Variants in BICRAL observed in about 807,000 individuals in gnomAD.
BICRAL encodes BICRA like chromatin remodeling complex associated protein, also known as BRD4-interacting chromatin-remodeling complex-associated protein-like.
BICRAL carries 8 observed loss-of-function variants against 91.8 expected under a neutral mutation model. That is an observed-to-expected ratio of 0.09 (90% confidence interval 0.05 to 0.16). BICRAL has a LOEUF of 0.16. BICRAL is among the 10% of genes least tolerant of loss of function. The pLI, the probability that BICRAL is intolerant of heterozygous loss-of-function variation, is 1.00. For missense variants in BICRAL, 1,038 were observed against 1,310.9 expected (o/e 0.79, Z 3.21); for synonymous variants, 445 against 491.1 (o/e 0.91, Z 1.24).
chr6:42,781,596 GGTGT>G (rs61437847), upstream of BICRAL, among the ~76,000 whole-genome samples: 795 of 103,472 alleles, frequency 7.7e-3, 30 homozygotes, highest in East Asian at 0.13. Context: ...TGGGTGGGTG[GGTGT>G]GTGTGTGTGT....
At chr6:42,853,584 T>C (rs1018790683) in intron 7 of BICRAL, 54 bp from the exon 8 acceptor site, 2 of 1,308,742 alleles carry the variant, frequency 1.5e-6, no homozygotes, top group Non-Finnish European at 2.2e-6. Context: ...GGTTATATGA[T>C]GGACCCAATT....
intron 6 of BICRAL, among the ~76,000 whole-genome samples, chr6:42,841,481 C>T (rs1158568007): frequency 6.6e-6 from 1 of 152,138 alleles, no homozygotes; most frequent in Non-Finnish European, 1.5e-5. Context: ...GCCACGCTGC[C>T]CTGCCAATCG....
At chr6:42,773,923 G>A (rs780062637) in intron 1 of BICRAL, among the ~76,000 whole-genome samples, 2 of 152,204 alleles carry the variant, frequency 1.3e-5, no homozygotes. Context: ...AAGAATAAAT[G>A]GTTCAGGGGA....
intron 1 of BICRAL, among the ~76,000 whole-genome samples, chr6:42,766,981 A>G (rs1762645197): frequency 6.6e-6 from 1 of 151,552 alleles, no homozygotes; most frequent in African/African-American, 2.4e-5. Context: ...CGGAGCTTGC[A>G]GTGAGCTGAG....
chr6:42,747,569 G>T (rs1016383966), intron 1 of BICRAL, among the ~76,000 whole-genome samples: 2 of 152,064 alleles, frequency 1.3e-5, no homozygotes, highest in Non-Finnish European at 2.9e-5. Flanking sequence ...TAAATTGCTG[G>T]GCCAGAGTAT....
intron 12 of BICRAL, among the ~76,000 whole-genome samples, chr6:42,862,826 T>C (rs1004469417): frequency 6.6e-6 from 1 of 152,330 alleles, no homozygotes; most frequent in Middle Eastern, 3.4e-3. Flanking sequence ...GGAATCATCT[T>C]TTTAGATTTC....
chr6:42,770,019 C>T lies in BICRAL; in HGVS notation c.-260-11820C>T, dbSNP rs761866533. On this transcript the variant is annotated intron_variant, in intron 1 of 14. Coordinates refer to the BICRAL transcript ENST00000614467. ...CTGCAGTGTGGAAAGCAGCGGCCTA[C>T]GGATCATCCACACCCTTCCATGATC... Among the ~76,000 whole-genome samples the T allele has an allele frequency of 4.6e-5, 7 of 152,236 alleles. No individual in the cohort carries two copies. The South Asian group carries it at 1.0e-3, about 23-fold the overall frequency.
chr6:42,776,089 T>G (rs756612473), intron 1 of BICRAL, among the ~76,000 whole-genome samples: 9 of 149,940 alleles, frequency 6.0e-5, no homozygotes, highest in Non-Finnish European at 8.9e-5. Context: ...TGGTGCAATC[T>G]CAGCTCACTG....
chr6:42,835,997 A>G (rs1450654915), intron 6 of BICRAL, among the ~76,000 whole-genome samples: 6 of 152,224 alleles, frequency 3.9e-5, no homozygotes, highest in South Asian at 4.1e-4. Context: ...AACAGTTCCA[A>G]AGTAGTCTAG....
chr6:42,756,877 G>T (rs576191532), intron 1 of BICRAL, among the ~76,000 whole-genome samples: 347 of 147,490 alleles, frequency 2.4e-3, no homozygotes, highest in Non-Finnish European at 3.8e-3. Flanking sequence ...CTTGGCTCTC[G>T]CGCGCGCGCT....
intron 6 of BICRAL, among the ~76,000 whole-genome samples, chr6:42,832,732 AAC>A: frequency 6.6e-6 from 1 of 151,432 alleles, no homozygotes; most frequent in Middle Eastern, 3.4e-3. Context: ...CTCATATACA[AAC>A]ACACACACAC....
chr6:42,851,176 C>G (rs1765165784), intron 6 of BICRAL, among the ~76,000 whole-genome samples: 1 of 152,004 alleles, frequency 6.6e-6, no homozygotes, highest in Non-Finnish European at 1.5e-5. Flanking sequence ...CAGAGAGAGA[C>G]TCCGTCTCAA....
At chr6:42,825,454 A>G (rs928222463) in intron 5 of BICRAL, among the ~76,000 whole-genome samples, 2 of 151,220 alleles carry the variant, frequency 1.3e-5, no homozygotes, top group Non-Finnish European at 2.9e-5. Context: ...AGTCCCAGCT[A>G]CTTGGGAGGC....
At chr6:42,789,170 A>C (rs1343817849) in intron 1 of BICRAL, among the ~76,000 whole-genome samples, 1 of 152,148 alleles carries the variant, frequency 6.6e-6, no homozygotes, top group African/African-American at 2.4e-5. Context: ...GAAGATGAAA[A>C]ATTTCTAAAG....
At chr6:42,861,743 A>G (rs1176437752) in intron 11 of BICRAL, among the ~76,000 whole-genome samples, 1 of 152,166 alleles carries the variant, frequency 6.6e-6, no homozygotes, top group Non-Finnish European at 1.5e-5. Flanking sequence ...TCACGCCTGT[A>G]ATCCCAGCAC....
At chr6:42,756,493 T>C (rs1186441323) in intron 1 of BICRAL, among the ~76,000 whole-genome samples, 1 of 152,138 alleles carries the variant, frequency 6.6e-6, no homozygotes, top group East Asian at 1.9e-4. Flanking sequence ...GACTCTCAGA[T>C]CCCCAGCTCC....
intron 1 of BICRAL, among the ~76,000 whole-genome samples, chr6:42,752,014 G>A (rs946866484): frequency 6.6e-6 from 1 of 152,126 alleles, no homozygotes; most frequent in Non-Finnish European, 1.5e-5. Flanking sequence ...TCATCTTTCA[G>A]CAAGTCTTGA....
At chr6:42,785,830 C>T (rs773375254) in intron 1 of BICRAL, among the ~76,000 whole-genome samples, 8 of 151,868 alleles carry the variant, frequency 5.3e-5, no homozygotes, top group Non-Finnish European at 1.2e-4. Flanking sequence ...CCGAGGTGGG[C>T]GGATCACGAG....
chr6:42,803,030 G>A (rs1191181131), intron 1 of BICRAL, among the ~76,000 whole-genome samples: 1 of 152,056 alleles, frequency 6.6e-6, no homozygotes, highest in Non-Finnish European at 1.5e-5. Context: ...TTTCTTTAAG[G>A]TCTAGTGTTG....
Sources: gnomAD v4.1 joint callset for allele counts (sites outside exome capture counted in the v4.1 genomes callset) on GRCh38, gnomAD v4.1.1 for gene constraint, MANE v1.5 for transcripts, NCBI Gene and HGNC (gene_info 2026-07-23, HGNC 2026-07-21) for gene names.